NREP: variants seen among roughly 807,000 people sequenced by gnomAD.
NREP encodes neuronal regeneration related protein.
Under a neutral mutation model 8.6 loss-of-function variants are expected in NREP, and 5 were observed. The observed-to-expected ratio is 0.58, with a 90% CI of 0.30 to 1.22. The LOEUF (loss-of-function observed/expected upper bound fraction) is 1.22, where lower values mean the gene tolerates loss of function less well. NREP is among the 50% of genes most tolerant of loss of function. The pLI, the probability that NREP is intolerant of heterozygous loss-of-function variation, is 0.07. For synonymous variants in NREP, 27 were observed against 28.0 expected (o/e 0.96, Z 0.11); for missense variants, 86 against 82.5 (o/e 1.04, Z -0.17).
intron 2 of NREP, among the ~76,000 whole-genome samples, chr5:111,748,210 A>G (rs1013939909): frequency 6.6e-6 from 1 of 152,252 alleles, no homozygotes; most frequent in Middle Eastern, 3.4e-3. Flanking sequence ...TTTAGGAGTC[A>G]TTTTTGTAGT....
chr5:111,754,555 T>A (rs1561649881), intron 2 of NREP, among the ~76,000 whole-genome samples: 2 of 152,206 alleles, frequency 1.3e-5, no homozygotes, highest in African/African-American at 2.4e-5. Flanking sequence ...TATTATTCTA[T>A]GACAACAGCT....
At chr5:111,786,675 T>C (rs1244210976) in intron 2 of NREP, among the ~76,000 whole-genome samples, 2 of 152,204 alleles carry the variant, frequency 1.3e-5, no homozygotes, top group African/African-American at 2.4e-5. Context: ...GAAATAAATA[T>C]GGTAAATGTA....
chr5:111,976,775 C>A lies in NREP; in HGVS notation c.-36G>T, dbSNP rs866370413. The A allele has an allele frequency of 8.4e-6, 13 of 1,544,400 alleles. No homozygotes were observed. In the Middle Eastern group the frequency reaches 2.0e-3, roughly 239 times the overall value. On this transcript the variant is annotated 5_prime_UTR_variant, in exon 1 of 4. Transcript: ENST00000395634. ...TTACTGCTTGAGGATAAAGTTCAGT[C>A]TTTAAAGGACAAAGAAGCTTCTTGC... is the stretch of plus-strand genomic sequence containing the variant.
chr5:111,756,445 T>C (rs1750716884), intron 1 of NREP, among the ~76,000 whole-genome samples: 1 of 152,088 alleles, frequency 6.6e-6, no homozygotes, highest in Non-Finnish European at 1.5e-5. Flanking sequence ...AGAAGACCGC[T>C]CTTTTGTTAA....
At chr5:111,926,564 G>T (rs1453174559) in intron 2 of NREP, among the ~76,000 whole-genome samples, 2 of 151,998 alleles carry the variant, frequency 1.3e-5, no homozygotes, top group African/African-American at 2.4e-5. Context: ...AGGTTTGTCT[G>T]TCCCCAAGCT....
At chr5:111,772,737 C>T (rs761905498) in intron 2 of NREP, among the ~76,000 whole-genome samples, 1 of 152,072 alleles carries the variant, frequency 6.6e-6, no homozygotes, top group Non-Finnish European at 1.5e-5. Flanking sequence ...GAAGACACAA[C>T]TGGAGTCACT....
chr5:111,845,670 T>A (rs1274167241), intron 2 of NREP, among the ~76,000 whole-genome samples: 2 of 152,150 alleles, frequency 1.3e-5, no homozygotes, highest in Admixed American at 6.5e-5. Flanking sequence ...TAAATGTTGA[T>A]AAGCTGTTAC....
At chr5:111,937,358 G>T (rs1755712648) in intron 2 of NREP, among the ~76,000 whole-genome samples, 1 of 152,060 alleles carries the variant, frequency 6.6e-6, no homozygotes, top group Non-Finnish European at 1.5e-5. Flanking sequence ...TTCACTAAAT[G>T]GACAAATCAA....
At chr5:111,756,644 TA>T (rs1338429196) in intron 1 of NREP, among the ~76,000 whole-genome samples, 2 of 152,034 alleles carry the variant, frequency 1.3e-5, no homozygotes, top group African/African-American at 4.8e-5. Flanking sequence ...AACTGCTTTA[TA>T]AGAAAATGCA....
At chr5:111,783,905 C>G (rs1028459163) in intron 2 of NREP, among the ~76,000 whole-genome samples, 2 of 152,150 alleles carry the variant, frequency 1.3e-5, no homozygotes, top group Non-Finnish European at 2.9e-5. Context: ...AAATCTGTGG[C>G]CTTATATTTC....
intron 2 of NREP, among the ~76,000 whole-genome samples, chr5:111,790,302 T>C (rs962729452): frequency 6.8e-6 from 1 of 148,110 alleles, no homozygotes; most frequent in Non-Finnish European, 1.5e-5. Context: ...TAAGTCTGAC[T>C]AAACTTTCTG....
At chr5:111,834,963 G>A (rs1561685928) in intron 2 of NREP, among the ~76,000 whole-genome samples, 1 of 152,132 alleles carries the variant, frequency 6.6e-6, no homozygotes, top group Non-Finnish European at 1.5e-5. Context: ...AGCAAGATCT[G>A]TTTTAACCTT....
intron 2 of NREP, among the ~76,000 whole-genome samples, chr5:111,947,767 T>G (rs1204924227): frequency 2.6e-5 from 4 of 152,088 alleles, no homozygotes; most frequent in Non-Finnish European, 4.4e-5. Context: ...TTTTAAATTC[T>G]TGTTGTACAT....
chr5:111,758,701 A>G (rs1750876833), upstream of NREP, among the ~76,000 whole-genome samples: 1 of 152,272 alleles, frequency 6.6e-6, no homozygotes, highest in Admixed American at 6.5e-5. Flanking sequence ...GCAAATTTAC[A>G]AAACTCAATT....
At chr5:111,941,444 C>T (rs988423894) in intron 2 of NREP, among the ~76,000 whole-genome samples, 4 of 152,018 alleles carry the variant, frequency 2.6e-5, no homozygotes, top group Admixed American at 2.6e-4. Flanking sequence ...CTCTCATTGG[C>T]TTGTAGATGG....
At chr5:111,844,269 T>C (rs1042339290) in intron 2 of NREP, among the ~76,000 whole-genome samples, 1 of 152,116 alleles carries the variant, frequency 6.6e-6, no homozygotes, top group African/African-American at 2.4e-5. Context: ...TAAAATTCTA[T>C]ATTTAGTTAA....
chr5:111,954,914 C>G (rs1756265219), intron 2 of NREP, among the ~76,000 whole-genome samples: 1 of 152,142 alleles, frequency 6.6e-6, no homozygotes, highest in Admixed American at 6.5e-5. Flanking sequence ...TTGCACATGA[C>G]TCATTGCTGG....
chr5:111,867,711 A>G (rs1753699867), intron 2 of NREP, among the ~76,000 whole-genome samples: 1 of 152,162 alleles, frequency 6.6e-6, no homozygotes, highest in South Asian at 2.1e-4. Context: ...GCCATCGAAT[A>G]AGAAAACAAA....
chr5:111,910,578 T>C (rs1754884253), intron 2 of NREP, among the ~76,000 whole-genome samples: 1 of 151,986 alleles, frequency 6.6e-6, no homozygotes, highest in Admixed American at 6.6e-5. Context: ...TTCAAAAAAG[T>C]CTGAAAGGTG....
Sources: gnomAD v4.1 joint callset for allele counts (sites outside exome capture counted in the v4.1 genomes callset) on GRCh38, gnomAD v4.1.1 for gene constraint, MANE v1.5 for transcripts, NCBI Gene and HGNC (gene_info 2026-07-23, HGNC 2026-07-21) for gene names.